UTP20: variants seen among roughly 807,000 people sequenced by gnomAD.
UTP20 encodes the protein small subunit processome component 20 homolog.
Under a neutral mutation model 329.5 loss-of-function variants are expected in UTP20, and 164 were observed. The ratio of observed to expected loss-of-function variants is 0.50; its 90% CI spans 0.44 to 0.57. The LOEUF (loss-of-function observed/expected upper bound fraction) is 0.57, where lower values mean the gene tolerates loss of function less well. Among genes scored for constraint, UTP20 ranks in the 20% least tolerant of loss-of-function variants. The pLI, the probability that UTP20 is intolerant of heterozygous loss-of-function variation, is 0.00. For synonymous variants in UTP20, 1,151 were observed against 1,159.3 expected (o/e 0.99, Z 0.14); for missense variants, 3,055 against 3,284.2 (o/e 0.93, Z 1.71).
At chr12:101,347,368 T>C (rs1377556813) in intron 38 of UTP20, among the ~76,000 whole-genome samples, 2 of 151,818 alleles carry the variant, frequency 1.3e-5, no homozygotes, top group African/African-American at 4.8e-5. Flanking sequence ...ACCAAAGATA[T>C]AAAAATTAGC....
intron 19 of UTP20, among the ~76,000 whole-genome samples, chr12:101,310,880 A>G (rs1274659731): frequency 6.6e-6 from 1 of 152,210 alleles, no homozygotes; most frequent in Admixed American, 6.5e-5. Context: ...CATCAAAACC[A>G]GTGTGCCAAA....
intron 29 of UTP20, 60 bp from the exon 30 acceptor site, chr12:101,337,991 A>G: frequency 2.1e-6 from 3 of 1,458,482 alleles, no homozygotes; most frequent in East Asian, 2.3e-5. Flanking sequence ...TCATATGGAC[A>G]TGTTTTTAGA....
Position 101,334,500 on chromosome 12 carries a change from G to A in UTP20, c.3637G>A (p.Ala1213Thr), listed in dbSNP as rs201748261. The A allele has an allele frequency of 7.1e-5, 114 of 1,609,682 alleles. 1 individual carries two copies. The highest frequency in any genetic ancestry group is 1.2e-4 in the South Asian group (11 of 90,862). Residue 1213 changes from alanine (A) to threonine (T), a missense_variant, in exon 29 of 62, where the codon GCA becomes ACA. This residue lies in a region of UTP20 where 2,445 missense variants were observed against 2,575.5 expected (regional missense o/e 0.95). Transcript: ENST00000261637. ...LKLISIWSRN[A>T]RYFPLLAKQK... ...ACTGATCAGTATCTGGAGCAGAAAC[G>A]CAAGGTATAACCTTTCTTTTTTCCT...
chr12:101,324,283 G>T (rs1868482772), intron 25 of UTP20, among the ~76,000 whole-genome samples: 2 of 148,568 alleles, frequency 1.3e-5, no homozygotes, highest in Non-Finnish European at 3.0e-5. Context: ...TGTCACCCAG[G>T]CTGGAAGGCA....
intron 11 of UTP20, among the ~76,000 whole-genome samples, chr12:101,295,119 G>A (rs1028180969): frequency 6.6e-6 from 1 of 152,004 alleles, no homozygotes; most frequent in African/African-American, 2.4e-5. Context: ...CCTGGGTTCC[G>A]TGTTCTCTTC....
chr12:101,363,413 G>A (rs532495606), intron 44 of UTP20, among the ~76,000 whole-genome samples, 163 bp from the exon 45 acceptor site: 1 of 152,140 alleles, frequency 6.6e-6, no homozygotes, highest in East Asian at 1.9e-4. Flanking sequence ...AAATTGCATT[G>A]AAAACAAGTG....
rs148161014 is a variant in UTP20 at position 101,372,633 on chromosome 12, G to A, written c.6799-251G>A. ...CTTAGATTTGTAGTCTTAAACCACAGTGCCAGTGGCAGGCCAGGGCTTGCC... is the reference window on the plus strand; with the variant it reads ...CTTAGATTTGTAGTCTTAAACCACAATGCCAGTGGCAGGCCAGGGCTTGCC... On this transcript the variant is annotated intron_variant, in intron 51 of 61. Transcript: ENST00000261637. Among the ~76,000 whole-genome samples the A allele has an allele frequency of 1.5e-3, 231 of 152,364 alleles. 1 individual carries two copies. The highest frequency in any genetic ancestry group is 5.2e-3 in the African/African-American group (216 of 41,590).
intron 51 of UTP20, among the ~76,000 whole-genome samples, chr12:101,371,813 T>C (rs1459939769): frequency 1.3e-5 from 2 of 152,216 alleles, no homozygotes; most frequent in African/African-American, 4.8e-5. Flanking sequence ...ATTACAGGCG[T>C]GAGCCATGGT....
intron 39 of UTP20, among the ~76,000 whole-genome samples, 175 bp downstream of exon 39, chr12:101,352,369 T>C (rs1233929299): frequency 6.6e-6 from 1 of 152,184 alleles, no homozygotes; most frequent in Non-Finnish European, 1.5e-5. Context: ...TACGTGTGCA[T>C]GTGTCTTTAT....
In UTP20 at chr12:101,305,848, T is replaced by A. The variant is rs547939339; in HGVS notation, c.1782-67T>A. ...TTCATCAGTGATCATTTTCTGTGGC[T>A]TATACTATAGTCTAGATACTCTGGG... is the stretch of plus-strand genomic sequence containing the variant. On this transcript the variant is annotated intron_variant, in intron 15 of 61. Coordinates refer to ENST00000261637, the MANE Select transcript of UTP20 (RefSeq NM_014503.3). The A allele has an allele frequency of 6.5e-6, 9 of 1,387,242 alleles. No individual in the cohort carries two copies. In the Admixed American group the frequency reaches 1.7e-4, roughly 26 times the overall value. 85.9% of individuals were successfully genotyped at this position (1,387,242 alleles called of 1,614,324 possible).
chr12:101,382,623 C>T (rs184063913), intron 58 of UTP20, among the ~76,000 whole-genome samples: 6 of 151,630 alleles, frequency 4.0e-5, no homozygotes, highest in African/African-American at 1.5e-4. Flanking sequence ...GAAGCTGAAG[C>T]AGGCAGATCA....
chr12:101,289,587 G>T (rs1872074138), intron 6 of UTP20, among the ~76,000 whole-genome samples: 1 of 151,730 alleles, frequency 6.6e-6, no homozygotes, highest in Non-Finnish European at 1.5e-5. Context: ...ATCTAATTTG[G>T]GTCACTATTG....
In UTP20 at chr12:101,333,399, A is replaced by G; in HGVS notation, c.3516A>G (p.Arg1172=). Residue 1172 remains arginine, a synonymous_variant, in exon 28 of 62, where the codon AGA becomes AGG. Transcript: ENST00000261637. ...TGGACTGGGAATCATATCAGTTTAG[A>G]ACAGAAGAAATTGATGCTGTGTTTC... ...IFLDWESYQF[R]TEEIDAVFHG... is the part of the protein sequence containing the mutation. 1 of 1,614,096 alleles carries G rather than the reference A, an allele frequency of 6.2e-7. No individual in the cohort carries two copies. The highest frequency in any genetic ancestry group is 8.5e-7 in the Non-Finnish European group (1 of 1,179,994).
intron 17 of UTP20, among the ~76,000 whole-genome samples, chr12:101,307,093 G>C (rs1029202421): frequency 7.9e-5 from 12 of 151,304 alleles, no homozygotes; most frequent in Non-Finnish European, 1.5e-4. Flanking sequence ...CAGGAGAATG[G>C]TGTGAACCCG....
intron 29 of UTP20, among the ~76,000 whole-genome samples, chr12:101,336,271 C>T (rs1868931878): frequency 6.6e-6 from 1 of 152,152 alleles, no homozygotes; most frequent in African/African-American, 2.4e-5. Context: ...AGAACCCCTT[C>T]AATGGGAATG....
intron 55 of UTP20, 49 bp downstream of exon 55, chr12:101,374,988 T>G (rs1420339200): frequency 1.4e-6 from 2 of 1,388,634 alleles, no homozygotes; most frequent in Non-Finnish European, 2.0e-6. Context: ...TAGTTTTACT[T>G]GAGGTGATGT....
rs533658264 is a variant in UTP20 at position 101,353,031 on chromosome 12, C to CT, written c.5025-6dup. 6,415 of 1,316,286 alleles carry CT rather than the reference C, an allele frequency of 4.9e-3. No homozygotes were observed. The highest frequency in any genetic ancestry group is 7.4e-3 in the South Asian group (477 of 64,648). 81.5% of individuals were successfully genotyped at this position (1,316,286 alleles called of 1,614,324 possible). ...ATAATCAAATGAACATTTCTGTATA[C>CT]TTTTTTTTTTAACAGTTTGCTAGTA... On this transcript the variant is annotated splice_polypyrimidine_tract_variant and intron_variant, in intron 39 of 61. Coordinates refer to ENST00000261637, the MANE Select transcript of UTP20 (RefSeq NM_014503.3).
At chr12:101,301,655 A>C (rs1872525276) in intron 14 of UTP20, among the ~76,000 whole-genome samples, 1 of 152,208 alleles carries the variant, frequency 6.6e-6, no homozygotes, top group Non-Finnish European at 1.5e-5. Flanking sequence ...GCGATGGAGC[A>C]AGATTCTGTC....
chr12:101,294,437 A>G (rs1872278390), intron 11 of UTP20, among the ~76,000 whole-genome samples: 1 of 152,184 alleles, frequency 6.6e-6, no homozygotes, highest in South Asian at 2.1e-4. Flanking sequence ...TGCTCCCAAT[A>G]GAATTATATT....
Sources: allele counts gnomAD v4.1 joint callset (sites outside exome capture counted in the v4.1 genomes callset), GRCh38; gene constraint gnomAD v4.1.1; regional missense constraint gnomAD v4.1.1; transcripts MANE v1.5; gene names NCBI Gene and HGNC (gene_info 2026-07-23, HGNC 2026-07-21).